Variants in DGUOK observed in about 807,000 individuals in gnomAD.
The protein encoded by DGUOK is deoxyguanosine kinase.
Under a neutral mutation model 36.6 loss-of-function variants are expected in DGUOK, and 30 were observed. That is an observed-to-expected ratio of 0.82 (90% confidence interval 0.61 to 1.11). The LOEUF (loss-of-function observed/expected upper bound fraction) is 1.11. Among genes scored for constraint, DGUOK ranks in the 50% most tolerant of loss-of-function variants. The pLI is 0.00. For missense variants in DGUOK, 361 were observed against 336.4 expected (o/e 1.07, Z -0.57); for synonymous variants, 145 against 126.3 (o/e 1.15, Z -0.99).
rs1449407491 is a variant in DGUOK, at chr2:73,926,952, C to T, written c.42C>T (p.Pro14=). 5 of 1,613,458 alleles carry T rather than the reference C, an allele frequency of 3.1e-6. No homozygotes were observed. The highest frequency in any genetic ancestry group is 4.2e-6 in the Non-Finnish European group (5 of 1,180,040). ...GRLFLSRLRA[P]FSSMAKSPLE... ...TCTTTCTAAGTCGGCTTCGAGCACC[C>T]TTCAGTTCCATGGCCAAGAGCCCAC... Residue 14 remains proline (P), a synonymous_variant, in exon 1 of 7, where the codon CCC becomes CCT. Transcript: ENST00000264093.
chr2:73,930,945 G>A (rs1309447187), intron 1 of DGUOK, among the ~76,000 whole-genome samples: 5 of 151,680 alleles, frequency 3.3e-5, no homozygotes, highest in Non-Finnish European at 5.9e-5. Context: ...ACAGGCGCCC[G>A]CCACCATGCC....
intron 2 of DGUOK, among the ~76,000 whole-genome samples, chr2:73,946,366 T>C (rs1241794069): frequency 6.6e-6 from 1 of 152,224 alleles, no homozygotes; most frequent in Non-Finnish European, 1.5e-5. Context: ...AGTTAAATTT[T>C]AGATGGTTGT....
intron 3 of DGUOK, among the ~76,000 whole-genome samples, chr2:73,949,053 G>A (rs1682531991): frequency 1.3e-5 from 2 of 152,208 alleles, no homozygotes; most frequent in Non-Finnish European, 2.9e-5. Context: ...CTGGGTTCAA[G>A]CAATTCTTGT....
intron 4 of DGUOK, among the ~76,000 whole-genome samples, chr2:73,953,309 TCGTC>T (rs1243067568): frequency 1.3e-5 from 2 of 149,002 alleles, no homozygotes; most frequent in African/African-American, 2.5e-5. Context: ...GTCGTCGTCG[TCGTC>T]GTCACTTGGG....
intron 1 of DGUOK, among the ~76,000 whole-genome samples, chr2:73,928,462 C>T (rs564641301): frequency 4.6e-5 from 7 of 152,274 alleles, no homozygotes; most frequent in Non-Finnish European, 5.9e-5. Context: ...AGCAAGGCCT[C>T]ACTGAGAAGG....
At chr2:73,953,642 G>A (rs1458226583) in intron 4 of DGUOK, among the ~76,000 whole-genome samples, 3 of 150,508 alleles carry the variant, frequency 2.0e-5, no homozygotes, top group Non-Finnish European at 4.4e-5. Flanking sequence ...CAGAGCCCTC[G>A]TAAATACTGA....
Position 73,958,798 on chromosome 2 carries a change from T to C in DGUOK, c.*62T>C. 2 of 1,434,712 alleles carry C rather than the reference T, an allele frequency of 1.4e-6. No homozygotes were observed. Among genetic ancestry groups the C allele is most frequent in the Admixed American group, 3.3e-5 (2 of 59,810 alleles). The allele number at this position is 1,434,712 out of a possible 1,614,324, so 88.9% of individuals were successfully genotyped here. A position where few individuals can be genotyped will look rare whatever the true frequency, so the allele number is the denominator to read the frequency against. ...CTGACTTTCTGAAGCTAGAAAAATG[T>C]TGTGTCTCCCAACCACCTTTCCATC... On this transcript the variant is annotated 3_prime_UTR_variant, in exon 7 of 7. Transcript: ENST00000264093.
At chr2:73,933,066 C>CT (rs1244298061) in intron 1 of DGUOK, among the ~76,000 whole-genome samples, 1 of 152,120 alleles carries the variant, frequency 6.6e-6, no homozygotes, top group Non-Finnish European at 1.5e-5. Flanking sequence ...AGAGGAAACT[C>CT]TTTTGCACTT....
intron 1 of DGUOK, among the ~76,000 whole-genome samples, chr2:73,934,552 A>G (rs911165294): frequency 2.6e-5 from 4 of 152,184 alleles, no homozygotes; most frequent in African/African-American, 9.7e-5. Flanking sequence ...CAGGAGTTCA[A>G]GACCAGCCTG....
chr2:73,935,024 C>T lies in DGUOK; in HGVS notation c.143-3886C>T, dbSNP rs1447695524. Among the ~76,000 whole-genome samples the T allele has an allele frequency of 5.3e-5, 8 of 152,026 alleles. No individual in the cohort carries two copies. In the East Asian group the frequency reaches 1.5e-3, roughly 29 times the overall value. ...CCAGGAAACAGAGGTTGCAGTGAGC[C>T]GAGATTGTGCCACTGCACTCCAGCC... On this transcript the variant is annotated intron_variant, in intron 1 of 6. Transcript: ENST00000264093.
chr2:73,927,801 A>C (rs982991871), intron 1 of DGUOK, among the ~76,000 whole-genome samples: 1 of 152,246 alleles, frequency 6.6e-6, no homozygotes, highest in Non-Finnish European at 1.5e-5. Flanking sequence ...AATATTAATA[A>C]ATTCTGACTT....
chr2:73,944,201 G>T (rs1006659544), intron 2 of DGUOK, among the ~76,000 whole-genome samples: 2 of 152,082 alleles, frequency 1.3e-5, no homozygotes, highest in Admixed American at 1.3e-4. Context: ...AAATTTTTTT[G>T]TGGAGACAGA....
chr2:73,950,860 G>A (rs1682657668), intron 4 of DGUOK, 128 bp downstream of exon 4: 1 of 1,267,844 alleles, frequency 7.9e-7, no homozygotes, highest in Non-Finnish European at 1.2e-6. Flanking sequence ...AGAGAGCAGT[G>A]GGGGACACCC....
At chr2:73,957,964 A>G (rs1049671970) in intron 5 of DGUOK, 182 bp from the exon 6 acceptor site, 1 of 539,558 alleles carries the variant, frequency 1.9e-6, no homozygotes, top group African/African-American at 1.9e-5. Context: ...AGAAACCTCA[A>G]CCTTTCTGTT....
At chr2:73,932,848 A>G (rs777667323) in intron 1 of DGUOK, among the ~76,000 whole-genome samples, 8 of 152,198 alleles carry the variant, frequency 5.3e-5, no homozygotes, top group Non-Finnish European at 1.2e-4. Context: ...TGAAAGTCAA[A>G]AGCTTGGTAC....
chr2:73,931,158 T>C (rs1681003760), intron 1 of DGUOK, among the ~76,000 whole-genome samples: 1 of 152,176 alleles, frequency 6.6e-6, no homozygotes, highest in Non-Finnish European at 1.5e-5. Context: ...AGCCAGAATC[T>C]CTGGGGTAGG....
intron 1 of DGUOK, among the ~76,000 whole-genome samples, chr2:73,933,162 T>C (rs536210862): frequency 5.3e-5 from 8 of 152,336 alleles, no homozygotes; most frequent in African/African-American, 1.9e-4. Flanking sequence ...TGACTTCACA[T>C]CACTAATATG....
In DGUOK at chr2:73,958,175, C is replaced by G. The variant is rs780483507; in HGVS notation, c.737C>G (p.Pro246Arg). 4 of 1,613,764 alleles carry G rather than the reference C, an allele frequency of 2.5e-6. No homozygotes were observed. The highest frequency in any genetic ancestry group is 3.4e-6 in the Non-Finnish European group (4 of 1,179,802). The change falls in exon 6 of 7, where the codon CCA (proline) becomes CGA (arginine). Residue 246 changes from proline to arginine, a missense_variant. Coordinates refer to ENST00000264093, the MANE Select transcript of DGUOK (RefSeq NM_080916.3). ...KLHFEALMNIPVLVLDVNDDF... is the reference protein window; with the variant it reads ...KLHFEALMNIRVLVLDVNDDF... ...CACTTTGAGGCTCTGATGAACATTC[C>G]AGTGCTGGTGTTGGATGTCAATGAT... is the stretch of plus-strand genomic sequence containing the variant.
At chr2:73,947,043 T>A in intron 3 of DGUOK, 137 bp downstream of exon 3, 1 of 851,062 alleles carries the variant, frequency 1.2e-6, no homozygotes, top group Non-Finnish European at 1.9e-6. Flanking sequence ...GACAACACTA[T>A]ACAGATTTGT....
Sources: allele counts gnomAD v4.1 joint callset (sites outside exome capture counted in the v4.1 genomes callset), GRCh38; gene constraint gnomAD v4.1.1; transcripts MANE v1.5; gene names NCBI Gene and HGNC (gene_info 2026-07-23, HGNC 2026-07-21).